VDR: variants seen among roughly 807,000 people sequenced by gnomAD.
The protein encoded by VDR is vitamin D receptor.
A neutral mutation model predicts 39.7 loss-of-function variants in VDR; 19 were observed. That is an observed-to-expected ratio of 0.48 (90% confidence interval 0.33 to 0.70). VDR has a LOEUF of 0.70. Among genes scored for constraint, VDR ranks in the 30% least tolerant of loss-of-function variants. The probability of loss-of-function intolerance (pLI) is 0.02; values close to 1 mark genes in which losing one functional copy is unlikely to be tolerated. For synonymous variants in VDR, 242 were observed against 215.8 expected, an observed-to-expected ratio of 1.12 and a Z score of -1.07; for missense variants, 442 against 570.5, an observed-to-expected ratio of 0.77 and a Z score of 2.29.
At chr12:47,888,845 TG>T (rs1220310181) in intron 1 of VDR, among the ~76,000 whole-genome samples, 1 of 152,172 alleles carries the variant, frequency 6.6e-6, no homozygotes, top group Non-Finnish European at 1.5e-5. Flanking sequence ...TCTGCAACAC[TG>T]CAGGGTGACT....
Position 47,846,818 on chromosome 12 carries a change from A to G in VDR, c.756-10T>C. The G allele has an allele frequency of 6.2e-7, 1 of 1,614,016 alleles. No individual in the cohort carries two copies. Among genetic ancestry groups the G allele is most frequent in the Non-Finnish European group, 8.5e-7 (1 of 1,179,980 alleles). ...CTCAGAGGTGAGGTCTCTGCAGGGG[A>G]GGGAGGGAAGGAGGTCAGGTTACCA... On this transcript the variant is annotated splice_polypyrimidine_tract_variant and intron_variant, in intron 7 of 9. Coordinates refer to ENST00000549336, the MANE Select transcript of VDR (RefSeq NM_000376.3).
At position 47,879,005 on chromosome 12, in the gene VDR, T is replaced by TA; in HGVS notation, c.108_109insT (p.Asn37Ter). The TA allele has an allele frequency of 6.2e-7, 1 of 1,614,102 alleles. No homozygotes were observed. Among genetic ancestry groups the TA allele is most frequent in the Non-Finnish European group, 8.5e-7 (1 of 1,180,020 alleles). On this transcript the variant is annotated frameshift_variant, in exon 3 of 10. Transcript: ENST00000549336. LOFTEE classifies it high-confidence loss of function. ...TTGCAGCCTTCACAGGTCATAGCAT[T>TA]GAAGTGAAAGCCAGTGGCTCGGTCT...
intron 1 of VDR, among the ~76,000 whole-genome samples, chr12:47,889,084 A>G (rs921021606): frequency 1.3e-5 from 2 of 152,078 alleles, no homozygotes; most frequent in African/African-American, 4.8e-5. Context: ...AAGTCAATAA[A>G]AACAAGAGAG....
At chr12:47,860,674 C>T (rs1945610093) in intron 4 of VDR, among the ~76,000 whole-genome samples, 1 of 152,220 alleles carries the variant, frequency 6.6e-6, no homozygotes, top group South Asian at 2.1e-4. Flanking sequence ...GTCTGCCCCG[C>T]ATTGCATGGC....
chr12:47,845,499 T>G (rs1370709112), intron 9 of VDR, among the ~76,000 whole-genome samples: 1 of 152,174 alleles, frequency 6.6e-6, no homozygotes, highest in African/African-American at 2.4e-5. Context: ...CATCACTTAC[T>G]TTATTTTTAA....
chr12:47,857,755 G>GT, intron 4 of VDR, 67 bp from the exon 5 acceptor site: 1 of 1,570,928 alleles, frequency 6.4e-7, no homozygotes. Flanking sequence ...TCCTCCTGCG[G>GT]TTGGGGGTAA....
At chr12:47,885,470 T>G (rs180925698) in intron 1 of VDR, among the ~76,000 whole-genome samples, 3 of 152,230 alleles carry the variant, frequency 2.0e-5, no homozygotes, top group Non-Finnish European at 4.4e-5. Flanking sequence ...CCTACGGCAG[T>G]CTTGCAGGGT....
chr12:47,871,163 T>G (rs185227771), intron 3 of VDR, among the ~76,000 whole-genome samples: 1 of 152,328 alleles, frequency 6.6e-6, no homozygotes, highest in Admixed American at 6.5e-5. Flanking sequence ...TTCCAGGTAT[T>G]TATCCTGTGG....
chr12:47,883,444 CT>C (rs2137214751), intron 1 of VDR, among the ~76,000 whole-genome samples: 1 of 152,338 alleles, frequency 6.6e-6, no homozygotes, highest in Admixed American at 6.5e-5. Flanking sequence ...ACTTTTAGCT[CT>C]TCCCCAGACA....
Position 47,857,584 on chromosome 12 carries a change from G to C in VDR, c.382C>G (p.Gln128Glu). 1 of 1,614,230 alleles carries C rather than the reference G, an allele frequency of 6.2e-7. No homozygotes were observed. Among genetic ancestry groups the C allele is most frequent in the Non-Finnish European group, 8.5e-7 (1 of 1,180,046 alleles). ...DSLRPKLSEE[Q>E]QRIIAILLDA... ...AGCAGTATGGCAATGATGCGCTGCT[G>C]CTCCTCAGACAGCTTGGGCCGCAGA... Residue 128 changes from glutamine (Q) to glutamate (E), a missense_variant, in exon 5 of 10, where the codon CAG (glutamine) becomes GAG (glutamate). Transcript: ENST00000549336.
intron 6 of VDR, among the ~76,000 whole-genome samples, chr12:47,856,552 A>T (rs756314467): frequency 6.6e-6 from 1 of 152,010 alleles, no homozygotes; most frequent in African/African-American, 2.4e-5. Flanking sequence ...ACAATGCCAT[A>T]TAAAAAAAAG....
intron 3 of VDR, among the ~76,000 whole-genome samples, chr12:47,872,747 A>G (rs1945908739): frequency 6.6e-6 from 1 of 152,182 alleles, no homozygotes; most frequent in Non-Finnish European, 1.5e-5. Flanking sequence ...AACACATCAC[A>G]TAGTTATACT....
chr12:47,859,913 C>CTTT (rs1565615326), intron 4 of VDR, among the ~76,000 whole-genome samples: 359 of 43,684 alleles, frequency 8.2e-3, no homozygotes, highest in Middle Eastern at 0.038. Context: ...TTCCTTCCTT[C>CTTT]CTTCTTTCTT....
At chr12:47,856,278 T>C (rs919573801) in intron 6 of VDR, among the ~76,000 whole-genome samples, 3 of 152,218 alleles carry the variant, frequency 2.0e-5, no homozygotes, top group African/African-American at 7.2e-5. Flanking sequence ...TGCACATTAC[T>C]GAAGGTACTC....
chr12:47,899,632 A>T (rs1946524778), intron 1 of VDR, among the ~76,000 whole-genome samples: 1 of 152,198 alleles, frequency 6.6e-6, no homozygotes, highest in South Asian at 2.1e-4. Flanking sequence ...TGAGACCCAC[A>T]GGGGGTGGGG....
intron 2 of VDR, among the ~76,000 whole-genome samples, chr12:47,880,938 ATACAT>A (rs756413831): frequency 1.3e-5 from 2 of 148,652 alleles, no homozygotes; most frequent in Non-Finnish European, 3.0e-5. Flanking sequence ...GCAGCTACAT[ATACAT>A]TAAAGTTTAG....
chr12:47,849,644 C>T (rs916854326), intron 7 of VDR, among the ~76,000 whole-genome samples: 2 of 152,206 alleles, frequency 1.3e-5, no homozygotes, highest in African/African-American at 4.8e-5. Context: ...TCTCACCATC[C>T]TTGTCACTTT....
intron 3 of VDR, among the ~76,000 whole-genome samples, chr12:47,870,537 A>G (rs1945829986): frequency 6.6e-6 from 1 of 152,204 alleles, no homozygotes; most frequent in Admixed American, 6.5e-5. Context: ...GCCAGGGGTG[A>G]GAGAGGACAT....
chr12:47,847,545 C>G (rs953870902), intron 7 of VDR, among the ~76,000 whole-genome samples: 10 of 152,130 alleles, frequency 6.6e-5, no homozygotes, highest in Non-Finnish European at 1.5e-4. Flanking sequence ...TCATGCCACT[C>G]CACATTCAGA....
Sources: gnomAD v4.1 joint callset for allele counts (sites outside exome capture counted in the v4.1 genomes callset) on GRCh38, gnomAD v4.1.1 for gene constraint, MANE v1.5 for transcripts, NCBI Gene and HGNC (gene_info 2026-07-23, HGNC 2026-07-21) for gene names.